The following RNF150 variants were observed in gnomAD, a reference collection of about 807,000 sequenced individuals.
The protein encoded by RNF150 is ring finger protein 150.
RNF150 carries 24 observed loss-of-function variants against 39.3 expected under a neutral mutation model. That is an observed-to-expected ratio of 0.61 (90% CI 0.44 to 0.86). The LOEUF (loss-of-function observed/expected upper bound fraction) is 0.86, where lower values mean the gene tolerates loss of function less well. RNF150 is among the 40% of genes least tolerant of loss of function. The pLI is 0.00. For synonymous variants in RNF150, 255 were observed against 227.3 expected, an observed-to-expected ratio of 1.12 and a Z score of -1.10; for missense variants, 502 against 587.8, an observed-to-expected ratio of 0.85 and a Z score of 1.51.
chr4:141,000,038 G>A (rs1194046218), intron 1 of RNF150, among the ~76,000 whole-genome samples: 2 of 54,374 alleles, frequency 3.7e-5, no homozygotes, highest in African/African-American at 1.0e-4. Flanking sequence ...AGAAGAAGAA[G>A]AAGAAGAAGA....
chr4:141,193,820 G>A (rs1311106603), intron 1 of RNF150, among the ~76,000 whole-genome samples: 2 of 152,186 alleles, frequency 1.3e-5, no homozygotes, highest in African/African-American at 4.8e-5. Flanking sequence ...GGAGGGGTCA[G>A]TGAATTCTCT....
chr4:141,133,923 G>C (rs1043177037), upstream of RNF150, among the ~76,000 whole-genome samples: 1 of 152,174 alleles, frequency 6.6e-6, no homozygotes, highest in African/African-American at 2.4e-5. Flanking sequence ...CAGTAGATCT[G>C]TGGTAGGGCC....
At chr4:141,042,098 G>A (rs1736395143) in intron 1 of RNF150, among the ~76,000 whole-genome samples, 1 of 151,946 alleles carries the variant, frequency 6.6e-6, no homozygotes, top group African/African-American at 2.4e-5. Flanking sequence ...TGTATTTATT[G>A]GACATGCTCT....
At chr4:141,048,723 A>G (rs1736671044) in intron 1 of RNF150, among the ~76,000 whole-genome samples, 1 of 152,076 alleles carries the variant, frequency 6.6e-6, no homozygotes, top group Non-Finnish European at 1.5e-5. Flanking sequence ...ACAGAGTGAG[A>G]CCCTGTCTCT....
At chr4:140,903,441 G>A (rs1415322882) in intron 6 of RNF150, among the ~76,000 whole-genome samples, 1 of 152,056 alleles carries the variant, frequency 6.6e-6, no homozygotes, top group Non-Finnish European at 1.5e-5. Context: ...CCCATGATTT[G>A]CTTTAGAATC....
At chr4:141,101,661 C>T (rs1739015671) in intron 1 of RNF150, among the ~76,000 whole-genome samples, 1 of 152,104 alleles carries the variant, frequency 6.6e-6, no homozygotes, top group Non-Finnish European at 1.5e-5. Flanking sequence ...GGATTGGCAG[C>T]TCAGTAGGTT....
At chr4:140,878,257 G>C (rs993740072) in intron 6 of RNF150, among the ~76,000 whole-genome samples, 8 of 114,374 alleles carry the variant, frequency 7.0e-5, no homozygotes, top group African/African-American at 2.6e-4. Flanking sequence ...CTCAACCTTT[G>C]CCTCCCAGGC....
At chr4:141,088,528 A>G (rs113851480) in intron 1 of RNF150, among the ~76,000 whole-genome samples, 91 of 152,324 alleles carry the variant, frequency 6.0e-4, no homozygotes, top group African/African-American at 2.1e-3. Context: ...CATTGCATTT[A>G]AAAAGTAAAA....
At chr4:141,147,851 GA>G (rs1307759122) in intron 1 of RNF150, among the ~76,000 whole-genome samples, 1 of 152,094 alleles carries the variant, frequency 6.6e-6, no homozygotes, top group Admixed American at 6.6e-5. Context: ...GAAGGAGGAA[GA>G]AAAAATCCAA....
At chr4:141,048,133 T>A (rs533970874) in intron 1 of RNF150, among the ~76,000 whole-genome samples, 159 of 152,326 alleles carry the variant, frequency 1.0e-3, no homozygotes, top group African/African-American at 3.8e-3. Context: ...CTTTCATCCA[T>A]GTCATTTAAA....
chr4:141,069,977 C>A (rs1310859220), intron 1 of RNF150, among the ~76,000 whole-genome samples: 1 of 152,004 alleles, frequency 6.6e-6, no homozygotes, highest in East Asian at 1.9e-4. Flanking sequence ...TGCTAGCGGT[C>A]TATCAATTTT....
chr4:140,963,161 T>C (rs1733105380), intron 2 of RNF150, among the ~76,000 whole-genome samples: 1 of 152,008 alleles, frequency 6.6e-6, no homozygotes, highest in Admixed American at 6.6e-5. Context: ...GAGAATCAGA[T>C]ATAAGCAATA....
chr4:140,877,923 A>G lies in RNF150; in HGVS notation c.1199-9544T>C, dbSNP rs79012206. On this transcript the variant is annotated intron_variant, in intron 6 of 6. Transcript: ENST00000515673. ...GGCCAGCATGACTATAGCAATCATCAAAGCAAATTTCAAGGCATGTGGATG... is the reference window on the plus strand; with the variant it reads ...GGCCAGCATGACTATAGCAATCATCGAAGCAAATTTCAAGGCATGTGGATG... 5.9e-3 allele frequency among the ~76,000 whole-genome samples: 900 copies of G among 152,224 alleles called. 13 individuals are homozygous for G. The highest frequency in any genetic ancestry group is 0.019 in the African/African-American group (801 of 41,516).
At chr4:141,125,339 G>C (rs1726721135) in intron 1 of RNF150, among the ~76,000 whole-genome samples, 1 of 152,072 alleles carries the variant, frequency 6.6e-6, no homozygotes, top group South Asian at 2.1e-4. Context: ...ACGCTGCCTT[G>C]TTTCTCTGGG....
rs564373533 is a variant in RNF150, at chr4:141,053,794, C to T, written c.484+78531G>A. 6 of 830,732 alleles carry T rather than the reference C, an allele frequency of 7.2e-6. No homozygotes were observed. The South Asian group carries it at 1.4e-4, about 19-fold the overall frequency. The allele number at this position is 830,732 out of a possible 1,614,324, so 51.5% of individuals were successfully genotyped here. ...AAGTGATCCAGCTTCATTTCCTCTG[C>T]TAAAGCTATCCCTTCAAAATGCTCT... On this transcript the variant is annotated intron_variant, in intron 1 of 6. Transcript: ENST00000515673.
intron 6 of RNF150, among the ~76,000 whole-genome samples, chr4:140,893,093 A>T (rs1338122369): frequency 6.6e-6 from 1 of 152,084 alleles, no homozygotes; most frequent in Non-Finnish European, 1.5e-5. Flanking sequence ...GTCTGAGGGT[A>T]GTGTTGCCAC....
At chr4:140,983,315 G>A (rs1376848256) in intron 1 of RNF150, among the ~76,000 whole-genome samples, 1 of 151,986 alleles carries the variant, frequency 6.6e-6, no homozygotes, top group Admixed American at 6.6e-5. Context: ...CACATGGGGT[G>A]GTCATTCTAA....
chr4:140,898,812 T>C (rs1188116007), intron 6 of RNF150, among the ~76,000 whole-genome samples: 1 of 152,250 alleles, frequency 6.6e-6, no homozygotes, highest in African/African-American at 2.4e-5. Context: ...ATTATGGGAT[T>C]ATTTTTCTTT....
intron 1 of RNF150, among the ~76,000 whole-genome samples, chr4:141,164,438 C>A (rs1432955569): frequency 6.6e-6 from 1 of 152,076 alleles, no homozygotes. Context: ...CATTCAAATT[C>A]AGTAAATACG....
Sources: allele counts gnomAD v4.1 joint callset (sites outside exome capture counted in the v4.1 genomes callset), GRCh38; gene constraint gnomAD v4.1.1; transcripts MANE v1.5; gene names NCBI Gene and HGNC (gene_info 2026-07-23, HGNC 2026-07-21).